ZCCHC14: variants seen among roughly 807,000 people sequenced by gnomAD.
ZCCHC14 encodes the protein zinc finger CCHC domain-containing protein 14.
A neutral mutation model predicts 85.0 loss-of-function variants in ZCCHC14; 16 were observed. The observed-to-expected ratio is 0.19, with a 90% CI of 0.13 to 0.29. The LOEUF is 0.29. Among genes scored for constraint, ZCCHC14 ranks in the 10% least tolerant of loss-of-function variants. ZCCHC14 has a pLI of 1.00. For missense variants in ZCCHC14, 1,303 were observed against 1,443.5 expected, an observed-to-expected ratio of 0.90 and a Z score of 1.58; for synonymous variants, 775 against 630.7, an observed-to-expected ratio of 1.23 and a Z score of -3.43.
At chr16:87,447,202 C>A (rs112032761) in intron 2 of ZCCHC14, among the ~76,000 whole-genome samples, 4 of 151,034 alleles carry the variant, frequency 2.6e-5, no homozygotes, top group African/African-American at 9.9e-5. Context: ...ACAGACCTCA[C>A]CCCTCCACCC....
chr16:87,421,351 T>C (rs1909085244), intron 4 of ZCCHC14, among the ~76,000 whole-genome samples: 1 of 151,824 alleles, frequency 6.6e-6, no homozygotes, highest in Non-Finnish European at 1.5e-5. Flanking sequence ...TTTTTAGGAG[T>C]GGGGCAGGGA....
rs562256502 is a variant in ZCCHC14 at position 87,487,497 on chromosome 16, G to T, written c.570+4172C>A. ...CTGTACTGACAGCACAGAGTTCCCTGCCACCTCCAGCTGCAGCTCCCCAGG... is the reference window on the plus strand; with the variant it reads ...CTGTACTGACAGCACAGAGTTCCCTTCCACCTCCAGCTGCAGCTCCCCAGG... On this transcript the variant is annotated intron_variant, in intron 1 of 12. Transcript: ENST00000671377. 2.7e-3 allele frequency among the ~76,000 whole-genome samples: 413 copies of T among 152,256 alleles called. 1 individual carries two copies. Among genetic ancestry groups the T allele is most frequent in the Non-Finnish European group, 3.8e-3 (257 of 68,018 alleles).
chr16:87,428,585 C>T (rs1207181777), intron 3 of ZCCHC14, among the ~76,000 whole-genome samples: 4 of 152,200 alleles, frequency 2.6e-5, no homozygotes, highest in Non-Finnish European at 5.9e-5. Context: ...TTATAACTGA[C>T]GATGAACTGC....
chr16:87,439,480 C>T (rs4315335), intron 2 of ZCCHC14, among the ~76,000 whole-genome samples: 127,796 of 152,204 alleles, frequency 0.84, 54,089 homozygotes, highest in Non-Finnish European at 0.88. Context: ...CCTTGGCATT[C>T]TGCCTTAATG....
chr16:87,484,938 A>C (rs1464744321), intron 1 of ZCCHC14, among the ~76,000 whole-genome samples: 1 of 152,208 alleles, frequency 6.6e-6, no homozygotes, highest in Non-Finnish European at 1.5e-5. Context: ...CCCTGAGGAA[A>C]CAGAGGGGTG....
At chr16:87,471,575 C>G (rs557440487) in intron 1 of ZCCHC14, 1 of 152,284 alleles carries the variant, frequency 6.6e-6, no homozygotes, top group South Asian at 2.1e-4. Context: ...CTAGGAACAC[C>G]GGCCCCAACT....
chr16:87,455,626 G>C (rs886529462), intron 2 of ZCCHC14, among the ~76,000 whole-genome samples: 16 of 152,164 alleles, frequency 1.1e-4, no homozygotes, highest in African/African-American at 3.9e-4. Context: ...CTGTGCCCTG[G>C]GGTTCAAATC....
At chr16:87,410,895 T>A (rs559213684) in intron 12 of ZCCHC14, among the ~76,000 whole-genome samples, 1 of 152,338 alleles carries the variant, frequency 6.6e-6, no homozygotes, top group South Asian at 2.1e-4. Flanking sequence ...TCAAGTGACT[T>A]TGGCAAGGTG....
At chr16:87,456,458 G>A (rs9935358) in intron 2 of ZCCHC14, among the ~76,000 whole-genome samples, 22,322 of 149,980 alleles carry the variant, frequency 0.15, 2,176 homozygotes, top group East Asian at 0.45. Flanking sequence ...GCGTGAACCC[G>A]GGAGGCGGAG....
chr16:87,479,011 C>T (rs1423582820), intron 1 of ZCCHC14, among the ~76,000 whole-genome samples: 4 of 152,186 alleles, frequency 2.6e-5, no homozygotes. Flanking sequence ...TCCTCTTCCC[C>T]ATACACTAAA....
At chr16:87,430,813 T>C (rs1379162991) in intron 3 of ZCCHC14, among the ~76,000 whole-genome samples, 1 of 150,976 alleles carries the variant, frequency 6.6e-6, no homozygotes, top group Non-Finnish European at 1.5e-5. Flanking sequence ...TGAGCCACTG[T>C]GCCCCGCTAA....
In ZCCHC14 at chr16:87,417,634, G is replaced by A; in HGVS notation, c.1209C>T (p.Gly403=). The change falls in exon 8 of 13, where the codon GGC becomes GGT. Residue 403 remains glycine, a synonymous_variant. Coordinates refer to ENST00000671377, the MANE Select transcript of ZCCHC14 (RefSeq NM_015144.3). ...AAPLPHCSHA[G]SAGSALAYRT... Reference sequence around the variant, plus strand: ...GGTAGGCCAGGGCTGAGCCCGCGCTGCCCGCATGGGAGCAGTGAGGCAAGG... The same window carrying A: ...GGTAGGCCAGGGCTGAGCCCGCGCTACCCGCATGGGAGCAGTGAGGCAAGG... 1.2e-6 allele frequency: 2 copies of A among 1,614,090 alleles called. No individual in the cohort carries two copies. The highest frequency in any genetic ancestry group is 2.2e-5 in the South Asian group (2 of 91,078).
intron 2 of ZCCHC14, among the ~76,000 whole-genome samples, chr16:87,443,053 G>A (rs1305277244): frequency 6.6e-6 from 1 of 152,230 alleles, no homozygotes; most frequent in Non-Finnish European, 1.5e-5. Flanking sequence ...AGAAAAGCAA[G>A]AGAAATGTGA....
intron 9 of ZCCHC14, among the ~76,000 whole-genome samples, chr16:87,414,990 G>A (rs1299255202): frequency 6.6e-6 from 1 of 152,236 alleles, no homozygotes; most frequent in Non-Finnish European, 1.5e-5. Flanking sequence ...ACTGAGGCAG[G>A]AGAATCGCTT....
chr16:87,466,343 C>G (rs959595989), intron 1 of ZCCHC14, among the ~76,000 whole-genome samples: 4 of 152,222 alleles, frequency 2.6e-5, no homozygotes, highest in Admixed American at 1.3e-4. Context: ...CAGATGGAAG[C>G]ACAGCCCCCC....
chr16:87,467,403 G>C (rs1353250555), intron 1 of ZCCHC14: 1 of 1,601,354 alleles, frequency 6.2e-7, no homozygotes, highest in African/African-American at 1.3e-5. Context: ...TTACTGTCAG[G>C]CAAGCTCTCC....
At chr16:87,430,777 C>A (rs1386948807) in intron 3 of ZCCHC14, among the ~76,000 whole-genome samples, 2 of 152,188 alleles carry the variant, frequency 1.3e-5, no homozygotes, top group Non-Finnish European at 2.9e-5. Flanking sequence ...CCACCTTGGC[C>A]TCCCAAAGTG....
At chr16:87,446,893 G>C (rs1910467064) in intron 2 of ZCCHC14, among the ~76,000 whole-genome samples, 1 of 151,914 alleles carries the variant, frequency 6.6e-6, no homozygotes, top group African/African-American at 2.4e-5. Flanking sequence ...CACCATGTTG[G>C]CCACGCTGGT....
intron 2 of ZCCHC14, among the ~76,000 whole-genome samples, chr16:87,458,255 C>G (rs1911072478): frequency 6.6e-6 from 1 of 152,186 alleles, no homozygotes; most frequent in South Asian, 2.1e-4. Context: ...GCAGGCCTTT[C>G]TCCTGGGATG....
Sources: allele counts gnomAD v4.1 joint callset (sites outside exome capture counted in the v4.1 genomes callset), GRCh38; gene constraint gnomAD v4.1.1; transcripts MANE v1.5; gene names NCBI Gene and HGNC (gene_info 2026-07-23, HGNC 2026-07-21).